NUP42: variants seen among roughly 807,000 people sequenced by gnomAD.
The protein encoded by NUP42 is nucleoporin NUP42.
A neutral mutation model predicts 35.9 loss-of-function variants in NUP42; 47 were observed. The observed-to-expected ratio is 1.31, with a 90% confidence interval of 1.04 to 1.67. The LOEUF (loss-of-function observed/expected upper bound fraction) is 1.67. NUP42 is among the 40% of genes most tolerant of loss of function. The probability of loss-of-function intolerance (pLI) is 0.00; values close to 1 mark genes in which losing one functional copy is unlikely to be tolerated. For missense variants in NUP42, 514 were observed against 492.2 expected, an observed-to-expected ratio of 1.04 and a Z score of -0.42; for synonymous variants, 173 against 173.3, an observed-to-expected ratio of 1.00 and a Z score of 0.01.
At chr7:23,187,936 GTCTCTCTC>G in intron 3 of NUP42, 3 of 478,550 alleles carry the variant, frequency 6.3e-6, no homozygotes, top group Non-Finnish European at 1.1e-5. Context: ...AATATTCTCT[GTCTCTCTC>G]TCTCTCTCTG....
In NUP42 at chr7:23,200,541, T is replaced by C; in HGVS notation, c.1068T>C (p.Phe356=). 5 of 1,614,146 alleles carry C rather than the reference T, an allele frequency of 3.1e-6. No individual in the cohort carries two copies. The highest frequency in any genetic ancestry group is 4.2e-6 in the Non-Finnish European group (5 of 1,180,000). ...CGGGCTCACATTCTCACACTGCTTTTTCTAAGCCATCCAGTGACACTTTTG... is the reference window on the plus strand; with the variant it reads ...CGGGCTCACATTCTCACACTGCTTTCTCTAAGCCATCCAGTGACACTTTTG... ...GSPGSHSHTA[F]SKPSSDTFGN... The change falls in exon 7 of 7, where the codon TTT becomes TTC. Residue 356 remains phenylalanine, a synonymous_variant. Transcript: ENST00000258742.
chr7:23,187,034 T>C lies in NUP42; in HGVS notation c.351-18T>C. 6.6e-7 allele frequency: 1 copy of C among 1,522,158 alleles called. No individual in the cohort carries two copies. The highest frequency in any genetic ancestry group is 8.9e-7 in the Non-Finnish European group (1 of 1,124,462). The allele number at this position is 1,522,158 out of a possible 1,614,324, so 94.3% of individuals were successfully genotyped here. On this transcript the variant is annotated intron_variant, in intron 2 of 6. Coordinates refer to ENST00000258742, the MANE Select transcript of NUP42 (RefSeq NM_007342.3). ...CTAAGAAGATCCTTTACTCTTTTTT[T>C]TTTTTTCTTTTTTGCAGGGAAGGAA...
chr7:23,188,561 A>T, intron 3 of NUP42: 1 of 980,444 alleles, frequency 1.0e-6, no homozygotes. Context: ...TTGTCAGATA[A>T]AATATGGGAC....
At chr7:23,188,553 G>T in intron 3 of NUP42, 1 of 984,230 alleles carries the variant, frequency 1.0e-6, no homozygotes, top group Non-Finnish European at 1.2e-6. Flanking sequence ...GAATATAGTT[G>T]TCAGATAAAA....
chr7:23,192,076 T>C (rs1785811253), intron 3 of NUP42, among the ~76,000 whole-genome samples: 1 of 152,234 alleles, frequency 6.6e-6, no homozygotes. Context: ...AGTATATTTC[T>C]TTCGAAACAT....
In NUP42 at chr7:23,200,858, C is replaced by A; in HGVS notation, c.*113C>A. 1 of 512,796 alleles carries A rather than the reference C, an allele frequency of 2.0e-6. No individual in the cohort carries two copies. Among genetic ancestry groups the A allele is most frequent in the Non-Finnish European group, 3.0e-6 (1 of 327,952 alleles). 31.8% of individuals were successfully genotyped at this position (512,796 alleles called of 1,614,324 possible). A position where few individuals can be genotyped will look rare whatever the true frequency, so the allele number is the denominator to read the frequency against. On this transcript the variant is annotated 3_prime_UTR_variant, in exon 7 of 7. Transcript: ENST00000258742. Reference sequence around the variant, plus strand: ...ATTCATAAGGAATATAAGCTTCCATCAATAGTGATTTTAAATTTGATTTTT... The same window carrying A: ...ATTCATAAGGAATATAAGCTTCCATAAATAGTGATTTTAAATTTGATTTTT...
chr7:23,187,008 G>T (rs773449431), intron 2 of NUP42, 44 bp from the exon 3 acceptor site: 1 of 1,322,428 alleles, frequency 7.6e-7, no homozygotes, highest in Non-Finnish European at 1.1e-6. Context: ...TTACCAAGCA[G>T]CTAAGAAGAT....
Position 23,185,124 on chromosome 7 carries a change from A to G in NUP42, c.176A>G (p.Gln59Arg). The G allele has an allele frequency of 1.9e-6, 3 of 1,614,208 alleles. No homozygotes were observed. In the South Asian group the frequency reaches 3.3e-5, roughly 18 times the overall value. Residue 59 changes from glutamine (Q) to arginine (R), a missense_variant, in exon 2 of 7, where the codon CAG becomes CGG. By Grantham distance (43) the Gln-to-Arg change is conservative. Coordinates refer to ENST00000258742, the MANE Select transcript of NUP42 (RefSeq NM_007342.3). ...TTSQRYSNVIQPSSFSKSTPW... is the reference protein window; with the variant it reads ...TTSQRYSNVIRPSSFSKSTPW... ...AGCCAGAGATATTCCAATGTCATCC[A>G]GCCATCCAGTTTCTCCAAATCCACA... is the stretch of plus-strand genomic sequence containing the variant.
In NUP42 at chr7:23,194,685, C is replaced by CTTTTGCTTTTGTTTTTGTTTTTGT. The variant is rs561137859; in HGVS notation, c.446-1149_446-1148insCTTTTGTTTTTGTTTTTGTTTTTG. Reference sequence around the variant, plus strand: ...TGTAATCCAGTTTTTTTTGTTTTTGCTTTTGTTTTTGTTTTTGTTTTGAGA... The same window carrying CTTTTGCTTTTGTTTTTGTTTTTGT: ...TGTAATCCAGTTTTTTTTGTTTTTGCTTTTGCTTTTGTTTTTGTTTTTGTTTTTGTTTTTGTTTTTGTTTTGAGA... On this transcript the variant is annotated intron_variant, in intron 3 of 6. Coordinates refer to ENST00000258742, the MANE Select transcript of NUP42 (RefSeq NM_007342.3). The CTTTTGCTTTTGTTTTTGTTTTTGT allele has an allele frequency of 2.4e-4, 38 of 155,856 alleles. 1 individual carries two copies. Among genetic ancestry groups the CTTTTGCTTTTGTTTTTGTTTTTGT allele is most frequent in the African/African-American group, 1.0e-3 (36 of 35,822 alleles). 9.7% of individuals were successfully genotyped at this position (155,856 alleles called of 1,614,324 possible).
chr7:23,200,139 G>GTTT (rs112626242), intron 6 of NUP42, 29 bp from the exon 7 acceptor site: 2 of 1,397,430 alleles, frequency 1.4e-6, no homozygotes, highest in East Asian at 2.4e-5. Flanking sequence ...GATTTTTGTT[G>GTTT]TTTTTTTTGT....
chr7:23,185,731 T>G (rs564137077), intron 2 of NUP42, among the ~76,000 whole-genome samples: 9 of 152,272 alleles, frequency 5.9e-5, no homozygotes, highest in African/African-American at 2.2e-4. Flanking sequence ...TTTTACCATC[T>G]CATTTATTTA....
At position 23,200,139 on chromosome 7, in the gene NUP42, GT is replaced by G. The variant is rs112626242; in HGVS notation, c.695-21del. ...TTTCTGACCGTAATAGATTTTTGTT[GT>G]TTTTTTTGTTGTTGTTGTTGTTTGT... On this transcript the variant is annotated intron_variant, in intron 6 of 6. Coordinates refer to ENST00000258742, the MANE Select transcript of NUP42 (RefSeq NM_007342.3). 2,963 of 1,397,152 alleles carry G rather than the reference GT, an allele frequency of 2.1e-3. 41 individuals are homozygous for G. In the African/African-American group the frequency reaches 0.036, roughly 17 times the overall value. The allele number at this position is 1,397,152 out of a possible 1,614,324, so 86.5% of individuals were successfully genotyped here. A position where few individuals can be genotyped will look rare whatever the true frequency, so the allele number is the denominator to read the frequency against.
intron 1 of NUP42, among the ~76,000 whole-genome samples, chr7:23,183,124 A>G (rs1481827264): frequency 1.3e-5 from 2 of 152,156 alleles, no homozygotes; most frequent in Admixed American, 1.3e-4. Flanking sequence ...TTTATCTTCA[A>G]GGAAAGGAGA....
intron 3 of NUP42, among the ~76,000 whole-genome samples, chr7:23,193,391 T>G (rs1490449191): frequency 2.0e-5 from 3 of 152,146 alleles, no homozygotes; most frequent in Admixed American, 1.3e-4. Context: ...ATTGGTGCGT[T>G]TACAATCCCT....
At chr7:23,183,444 C>T (rs532792788) in intron 1 of NUP42, among the ~76,000 whole-genome samples, 18 of 152,210 alleles carry the variant, frequency 1.2e-4, no homozygotes, top group Admixed American at 3.3e-4. Flanking sequence ...CGGTCTCGAA[C>T]TCGTGACCTA....
At chr7:23,186,342 A>C (rs1785595467) in intron 2 of NUP42, among the ~76,000 whole-genome samples, 1 of 152,192 alleles carries the variant, frequency 6.6e-6, no homozygotes, top group Non-Finnish European at 1.5e-5. Flanking sequence ...GTAAATGAGC[A>C]AACAAAACCT....
chr7:23,199,647 C>G, intron 6 of NUP42, 105 bp downstream of exon 6: 2 of 941,190 alleles, frequency 2.1e-6, no homozygotes, highest in Non-Finnish European at 3.4e-6. Flanking sequence ...TTCGTAAATT[C>G]TACAACCTTC....
At chr7:23,195,798 T>C in intron 3 of NUP42, 41 bp from the exon 4 acceptor site, 1 of 1,273,794 alleles carries the variant, frequency 7.9e-7, no homozygotes, top group Non-Finnish European at 1.1e-6. Context: ...TCAAAATTAT[T>C]GGCATTTATT....
chr7:23,194,549 C>G (rs1254982463), intron 3 of NUP42: 1 of 152,836 alleles, frequency 6.5e-6, no homozygotes, highest in Non-Finnish European at 1.5e-5. Flanking sequence ...TTAGTAGAAA[C>G]AGGGTTTCGC....
Sources: gnomAD v4.1 joint callset for allele counts (sites outside exome capture counted in the v4.1 genomes callset) on GRCh38, gnomAD v4.1.1 for gene constraint, MANE v1.5 for transcripts, NCBI Gene and HGNC (gene_info 2026-07-23, HGNC 2026-07-21) for gene names.